The following SUSD6 variants were observed in gnomAD, a reference collection of about 807,000 sequenced individuals.
SUSD6 encodes sushi domain-containing protein 6.
A neutral mutation model predicts 28.4 loss-of-function variants in SUSD6; 16 were observed. The observed-to-expected ratio is 0.56, with a 90% CI of 0.38 to 0.86. The LOEUF is 0.86. Among genes scored for constraint, SUSD6 ranks in the 40% least tolerant of loss-of-function variants. The probability of loss-of-function intolerance (pLI) is 0.00; values close to 1 mark genes in which losing one functional copy is unlikely to be tolerated. For missense variants in SUSD6, 341 were observed against 384.2 expected (o/e 0.89, Z 0.94); for synonymous variants, 147 against 159.6 (o/e 0.92, Z 0.59).
chr14:69,626,120 A>T (rs1214923887), intron 1 of SUSD6, among the ~76,000 whole-genome samples: 2 of 151,614 alleles, frequency 1.3e-5, no homozygotes, highest in Non-Finnish European at 2.9e-5. Flanking sequence ...AGAGGGGGGA[A>T]AAAAAGCCCT....
intron 2 of SUSD6, among the ~76,000 whole-genome samples, chr14:69,665,319 C>T (rs1885723407): frequency 2.6e-5 from 4 of 152,152 alleles, no homozygotes; most frequent in Admixed American, 2.6e-4. Context: ...CAGCTCACCG[C>T]AACTTCTGCC....
At chr14:69,677,493 G>A (rs1285044391) in intron 2 of SUSD6, among the ~76,000 whole-genome samples, 2 of 151,520 alleles carry the variant, frequency 1.3e-5, no homozygotes, top group Non-Finnish European at 2.9e-5. Flanking sequence ...CTTCCAGTGA[G>A]CCAAGATCAC....
At chr14:69,710,214 C>T (rs985999634) in intron 5 of SUSD6, among the ~76,000 whole-genome samples, 1 of 152,024 alleles carries the variant, frequency 6.6e-6, no homozygotes, top group African/African-American at 2.4e-5. Context: ...AAGGTGGGGC[C>T]CTCCTCTTCC....
Position 69,703,512 on chromosome 14 carries a change from T to G in SUSD6, c.239T>G (p.Leu80Trp). ...TACCTGTGTGCTGAAGGCTACATGT[T>G]GAAGGGCGATTACAAATACCTGACG... Reference protein sequence around the residue: ...IEYLCAEGYMLKGDYKYLTCK... With the variant: ...IEYLCAEGYMWKGDYKYLTCK... Residue 80 changes from leucine (L) to tryptophan (W), a missense_variant, in exon 3 of 6, where the codon TTG becomes TGG. Leu to Trp is a moderately conservative substitution (Grantham distance 61). Coordinates refer to ENST00000342745, the MANE Select transcript of SUSD6 (RefSeq NM_014734.4). The G allele has an allele frequency of 6.2e-7, 1 of 1,614,168 alleles. No individual in the cohort carries two copies. The highest frequency in any genetic ancestry group is 1.1e-5 in the South Asian group (1 of 91,086).
At chr14:69,701,247 G>A (rs1000649997) in intron 2 of SUSD6, among the ~76,000 whole-genome samples, 13 of 150,528 alleles carry the variant, frequency 8.6e-5, no homozygotes, top group African/African-American at 3.2e-4. Context: ...CTAGGTGACC[G>A]CCAGGATCCC....
chr14:69,639,444 T>TTGTTACA (rs1885317100), intron 1 of SUSD6, among the ~76,000 whole-genome samples: 1 of 152,108 alleles, frequency 6.6e-6, no homozygotes, highest in South Asian at 2.1e-4. Context: ...CAGAAAAGTT[T>TTGTTACA]TGTTACATGT....
At chr14:69,674,877 G>A (rs995436142) in intron 2 of SUSD6, among the ~76,000 whole-genome samples, 25 of 152,154 alleles carry the variant, frequency 1.6e-4, no homozygotes, top group African/African-American at 4.8e-4. Flanking sequence ...AGGTAGCTCA[G>A]GCACTGACTA....
intron 2 of SUSD6, among the ~76,000 whole-genome samples, chr14:69,698,726 G>A (rs1886263080): frequency 1.3e-5 from 2 of 152,158 alleles, no homozygotes; most frequent in South Asian, 4.1e-4. Context: ...AGATCATTTT[G>A]CGTCTCATCT....
intron 2 of SUSD6, among the ~76,000 whole-genome samples, chr14:69,661,230 G>A (rs1286911076): frequency 6.6e-6 from 1 of 152,086 alleles, no homozygotes; most frequent in Non-Finnish European, 1.5e-5. Flanking sequence ...GTGTCATTAA[G>A]CTATCCTATT....
At chr14:69,667,882 A>G (rs1434899097) in intron 2 of SUSD6, among the ~76,000 whole-genome samples, 1 of 152,200 alleles carries the variant, frequency 6.6e-6, no homozygotes. Flanking sequence ...TTTGCATATA[A>G]GCTCGTTGAA....
chr14:69,704,798 G>A, intron 4 of SUSD6, 56 bp downstream of exon 4: 1 of 1,582,612 alleles, frequency 6.3e-7, no homozygotes, highest in Non-Finnish European at 8.6e-7. Context: ...TTACTGTGGG[G>A]GCCAGTCTTT....
chr14:69,655,805 C>CA (rs536405390), intron 1 of SUSD6, among the ~76,000 whole-genome samples: 61 of 151,974 alleles, frequency 4.0e-4, no homozygotes, highest in Non-Finnish European at 7.5e-4. Context: ...AAAAAACAAC[C>CA]AAAAAACGCC....
intron 1 of SUSD6, among the ~76,000 whole-genome samples, chr14:69,630,913 G>A (rs186975244): frequency 7.4e-4 from 113 of 152,292 alleles, no homozygotes; most frequent in African/African-American, 2.7e-3. Flanking sequence ...CCTGTAAAGA[G>A]GACTCTGAGA....
rs145391535 is a variant in SUSD6 at position 69,707,398 on chromosome 14, A to G, written c.459-1279A>G. Among the ~76,000 whole-genome samples the G allele has an allele frequency of 1.7e-4, 26 of 152,378 alleles. No homozygotes were observed. In the East Asian group the frequency reaches 4.6e-3, roughly 27 times the overall value. ...AAGCCTCACACGTATGATGTTGAGT[A>G]AAAGAAGCCAGAAACAGATATATAC... is the stretch of plus-strand genomic sequence containing the variant. On this transcript the variant is annotated intron_variant, in intron 4 of 5. Transcript: ENST00000342745.
chr14:69,679,436 A>G (rs1885965579), intron 2 of SUSD6, among the ~76,000 whole-genome samples: 1 of 152,200 alleles, frequency 6.6e-6, no homozygotes, highest in Non-Finnish European at 1.5e-5. Flanking sequence ...GGTAATATTG[A>G]TAGGTGTAAC....
chr14:69,618,628 A>G (rs554789779), intron 1 of SUSD6, among the ~76,000 whole-genome samples: 7 of 152,354 alleles, frequency 4.6e-5, no homozygotes, highest in Admixed American at 1.3e-4. Context: ...TCTTCTCTGG[A>G]TTCCTGTATC....
Position 69,639,956 on chromosome 14 carries a change from G to GTTTTTT in SUSD6, c.-80-18539_-80-18534dup, listed in dbSNP as rs11463756. Among the ~76,000 whole-genome samples the GTTTTTT allele has an allele frequency of 5.5e-3, 447 of 81,602 alleles. 13 individuals carry two copies. The highest frequency in any genetic ancestry group is 0.019 in the African/African-American group (405 of 21,314). The allele number at this position is 81,602 out of a possible 152,430, so 53.5% of individuals were successfully genotyped here. ...AGAGTCCCTCTGGGGCACCTACACTGTTTTTTTTTTTTTTTTTTTTTTTGC... is the reference window on the plus strand; with the variant it reads ...AGAGTCCCTCTGGGGCACCTACACTGTTTTTTTTTTTTTTTTTTTTTTTTTTTTTGC... On this transcript the variant is annotated intron_variant, in intron 1 of 5. Transcript: ENST00000342745.
Position 69,703,043 on chromosome 14 carries a change from ATG to A in SUSD6, c.122-346_122-345del, listed in dbSNP as rs765190699. On this transcript the variant is annotated intron_variant, in intron 2 of 5. Transcript: ENST00000342745. ...TTTCCTCCTTTCACTGTGATTTATT[ATG>A]TGTGTTACAGGCTTTATTACATAAT... Among the ~76,000 whole-genome samples, 7 of 152,166 alleles carry A rather than the reference ATG, an allele frequency of 4.6e-5. No homozygotes were observed. In the East Asian group the frequency reaches 1.3e-3, roughly 29 times the overall value.
chr14:69,677,735 T>C (rs1406876452), intron 2 of SUSD6, among the ~76,000 whole-genome samples: 1 of 152,130 alleles, frequency 6.6e-6, no homozygotes, highest in Admixed American at 6.5e-5. Context: ...TAATTATTTA[T>C]TTCTATATTT....
Sources: allele counts gnomAD v4.1 joint callset (sites outside exome capture counted in the v4.1 genomes callset), GRCh38; gene constraint gnomAD v4.1.1; transcripts MANE v1.5; gene names NCBI Gene and HGNC (gene_info 2026-07-23, HGNC 2026-07-21).